REV1: variants seen among roughly 807,000 people sequenced by gnomAD.
REV1 encodes translesion synthesis protein REV1.
A neutral mutation model predicts 137.4 loss-of-function variants in REV1; 42 were observed. The ratio of observed to expected loss-of-function variants is 0.31; its 90% confidence interval spans 0.24 to 0.40. The LOEUF is 0.40. REV1 is among the 10% of genes least tolerant of loss of function. The probability of loss-of-function intolerance (pLI) is 1.00; values close to 1 mark genes in which losing one functional copy is unlikely to be tolerated. For missense variants in REV1, 1,282 were observed against 1,490.1 expected, an observed-to-expected ratio of 0.86 and a Z score of 2.30; for synonymous variants, 524 against 519.2, an observed-to-expected ratio of 1.01 and a Z score of -0.12.
intron 1 of REV1, among the ~76,000 whole-genome samples, chr2:99,470,046 G>A (rs531185879): frequency 8.6e-5 from 13 of 151,884 alleles, no homozygotes; most frequent in East Asian, 5.8e-4. Flanking sequence ...GCGTGAACCC[G>A]GGAGGTGGAG....
intron 1 of REV1, among the ~76,000 whole-genome samples, chr2:99,482,046 C>T (rs893306445): frequency 2.0e-5 from 3 of 152,162 alleles, no homozygotes; most frequent in African/African-American, 7.2e-5. Flanking sequence ...TGGGGCCTGG[C>T]CATGCTGGAA....
At chr2:99,425,979 T>C (rs1437580096) in intron 9 of REV1, among the ~76,000 whole-genome samples, 8 of 142,310 alleles carry the variant, frequency 5.6e-5, no homozygotes, top group Middle Eastern at 4.2e-3. Context: ...GAGGTTGCAG[T>C]GAGCCGAGAT....
chr2:99,401,238 T>C lies in REV1; in HGVS notation c.*3A>G. 6.3e-7 allele frequency: 1 copy of C among 1,580,260 alleles called. No individual in the cohort carries two copies. Among genetic ancestry groups the C allele is most frequent in the Non-Finnish European group, 8.7e-7 (1 of 1,149,524 alleles). On this transcript the variant is annotated 3_prime_UTR_variant, in exon 23 of 23. Coordinates refer to ENST00000258428, the MANE Select transcript of REV1 (RefSeq NM_016316.4). ...CAGAGAGCATCAGGCTCTCTGGTAA[T>C]ATTTATGTAACTTTTAATGTGCTTC...
intron 7 of REV1, 44 bp from the exon 8 acceptor site, chr2:99,434,492 T>C (rs1680488826): frequency 7.3e-7 from 1 of 1,378,510 alleles, no homozygotes; most frequent in African/African-American, 1.5e-5. Flanking sequence ...GGTACAGGAA[T>C]GTTAACAACA....
chr2:99,427,189 A>G (rs542360741), intron 9 of REV1, among the ~76,000 whole-genome samples: 284 of 152,272 alleles, frequency 1.9e-3, no homozygotes, highest in Non-Finnish European at 2.7e-3. Flanking sequence ...CTCTGGGGGA[A>G]AAAAATTGCC....
chr2:99,464,838 A>G, intron 2 of REV1, 84 bp downstream of exon 2: 1 of 1,318,826 alleles, frequency 7.6e-7, no homozygotes, highest in Non-Finnish European at 1.1e-6. Flanking sequence ...ACAATTTAGA[A>G]AACAACTTAA....
At chr2:99,420,420 A>G (rs1257828789) in intron 11 of REV1, among the ~76,000 whole-genome samples, 1 of 152,148 alleles carries the variant, frequency 6.6e-6, no homozygotes, top group Non-Finnish European at 1.5e-5. Context: ...CCACCCCTAT[A>G]GCCCAGAGCC....
intron 2 of REV1, among the ~76,000 whole-genome samples, chr2:99,463,363 T>C (rs1229618723): frequency 6.6e-6 from 1 of 150,954 alleles, no homozygotes; most frequent in Non-Finnish European, 1.5e-5. Context: ...CTACTAAAAA[T>C]ACAAAATCAG....
chr2:99,421,481 G>C lies in REV1; in HGVS notation c.1831+18C>G, dbSNP rs1252751824. 1.2e-6 allele frequency: 2 copies of C among 1,607,060 alleles called. No homozygotes were observed. Among genetic ancestry groups the C allele is most frequent in the South Asian group, 2.2e-5 (2 of 89,908 alleles). ...CTCAAAGCAACTCTTTTGAGTACAA[G>C]ATAAGCTAGATACTAACCAATTCCA... is the stretch of plus-strand genomic sequence containing the variant. On this transcript the variant is annotated intron_variant, in intron 11 of 22. Coordinates refer to ENST00000258428, the MANE Select transcript of REV1 (RefSeq NM_016316.4).
intron 12 of REV1, among the ~76,000 whole-genome samples, chr2:99,414,862 T>A (rs1175596017): frequency 2.0e-5 from 3 of 152,248 alleles, no homozygotes; most frequent in Admixed American, 6.5e-5. Flanking sequence ...GTCCATGTGT[T>A]GGGGTGGAAA....
intron 1 of REV1, among the ~76,000 whole-genome samples, chr2:99,474,574 A>G (rs2105263251): frequency 6.6e-6 from 1 of 152,330 alleles, no homozygotes; most frequent in African/African-American, 2.4e-5. Context: ...CAGGTCCTAC[A>G]ATTAAGCTCC....
intron 1 of REV1, among the ~76,000 whole-genome samples, chr2:99,485,320 A>G (rs1393006662): frequency 6.6e-6 from 1 of 152,218 alleles, no homozygotes; most frequent in Admixed American, 6.5e-5. Flanking sequence ...TGTATCTGCT[A>G]AAGAAAAATA....
intron 13 of REV1, among the ~76,000 whole-genome samples, chr2:99,411,545 T>G (rs1288551734): frequency 1.3e-5 from 2 of 151,588 alleles, no homozygotes; most frequent in Non-Finnish European, 2.9e-5. Flanking sequence ...TAGCTAGGAT[T>G]GCAGGCGCCT....
chr2:99,418,993 T>C (rs763508671), intron 11 of REV1, 46 bp from the exon 12 acceptor site: 3 of 1,481,664 alleles, frequency 2.0e-6, no homozygotes, highest in Non-Finnish European at 2.8e-6. Flanking sequence ...AATTATTTTT[T>C]AAATTTCTCA....
At position 99,439,238 on chromosome 2, in the gene REV1, T is replaced by A; in HGVS notation, c.576A>T (p.Glu192Asp). 6.2e-7 allele frequency: 1 copy of A among 1,614,188 alleles called. No homozygotes were observed. Among genetic ancestry groups the A allele is most frequent in the Non-Finnish European group, 8.5e-7 (1 of 1,180,004 alleles). ...KVNGMNSWNE[E>D]DENNDFSFVD... ...CAAAACTAAAATCATTATTTTCATC[T>A]TCTTCATTCCAACTGTTCATGCCAT... is the stretch of plus-strand genomic sequence containing the variant. Residue 192 changes from glutamate (E) to aspartate (D), a missense_variant, in exon 6 of 23, where the codon GAA (glutamate) becomes GAT (aspartate). Around this residue, in one of 7 missense-constraint regions of REV1, gnomAD observed 432 missense variants for 438.0 expected, o/e 0.99. Transcript: ENST00000258428.
intron 8 of REV1, among the ~76,000 whole-genome samples, chr2:99,430,403 T>C (rs1394950757): frequency 6.6e-6 from 1 of 152,192 alleles, no homozygotes; most frequent in Non-Finnish European, 1.5e-5. Context: ...CTGTAAAACT[T>C]AAAGCTAACT....
chr2:99,424,026 T>A (rs995321652), intron 10 of REV1, 126 bp downstream of exon 10: 1 of 965,330 alleles, frequency 1.0e-6, no homozygotes, highest in Non-Finnish European at 1.5e-6. Flanking sequence ...TGCTGAGGAG[T>A]GGTTCCTGGA....
At chr2:99,489,758 G>A (rs1424264337) in intron 1 of REV1, 59 bp downstream of exon 1, 9 of 149,994 alleles carry the variant, frequency 6.0e-5, no homozygotes, top group Non-Finnish European at 1.3e-4. Context: ...GCGCCTCCGG[G>A]CGACGCGTGT....
chr2:99,411,475 C>T (rs1252868727), intron 13 of REV1, among the ~76,000 whole-genome samples: 8 of 148,954 alleles, frequency 5.4e-5, no homozygotes, highest in Admixed American at 6.7e-5. Flanking sequence ...AGCATGATCT[C>T]GGCTCACTGC....
Sources: allele counts gnomAD v4.1 joint callset (sites outside exome capture counted in the v4.1 genomes callset), GRCh38; gene constraint gnomAD v4.1.1; regional missense constraint gnomAD v4.1.1; transcripts MANE v1.5; gene names NCBI Gene and HGNC (gene_info 2026-07-23, HGNC 2026-07-21).